Variants in TDRD15 observed in about 807,000 individuals in gnomAD.
TDRD15 encodes the protein tudor domain containing 15.
For synonymous variants in TDRD15, 503 were observed against 314.5 expected (o/e 1.60, Z -6.34); for missense variants, 1,416 against 904.7 (o/e 1.57, Z -7.25).
chr2:21,133,376 G>GT (rs1320294652), intron 2 of TDRD15, among the ~76,000 whole-genome samples: 1 of 152,090 alleles, frequency 6.6e-6, no homozygotes, highest in East Asian at 1.9e-4. Flanking sequence ...GTTTTTGTGG[G>GT]TTTTTTTCTT....
chr2:21,142,316 A>G lies in TDRD15; in HGVS notation c.4849A>G (p.Ile1617Val), dbSNP rs536140851. 8.7e-6 allele frequency: 6 copies of G among 689,900 alleles called. No individual in the cohort carries two copies. Among genetic ancestry groups the G allele is most frequent in the African/African-American group, 7.2e-5 (4 of 55,570 alleles). The allele number at this position is 689,900 out of a possible 1,614,324, so 42.7% of individuals were successfully genotyped here. A position where few individuals can be genotyped will look rare whatever the true frequency, so the allele number is the denominator to read the frequency against. The change falls in exon 4 of 4, where the codon ATA (isoleucine) becomes GTA (valine). Residue 1617 changes from isoleucine to valine, a missense_variant. Ile to Val is a conservative substitution (Grantham distance 29, BLOSUM62 3). Transcript: ENST00000405799. The part of the protein sequence containing the change: ...VFLVDCGIYE[I>V]VPVCNTKLLS... Reference sequence around the variant, plus strand: ...TTTAGTAGATTGTGGTATCTATGAAATAGTACCTGTATGTAATACCAAGCT... The same window carrying G: ...TTTAGTAGATTGTGGTATCTATGAAGTAGTACCTGTATGTAATACCAAGCT...
intron 3 of TDRD15, among the ~76,000 whole-genome samples, chr2:21,135,895 A>G (rs1665798096): frequency 6.6e-6 from 1 of 151,984 alleles, no homozygotes; most frequent in Admixed American, 6.6e-5. Flanking sequence ...TAGTTTGAGT[A>G]ACCTATTTAA....
chr2:21,132,962 A>G (rs1197904687), intron 2 of TDRD15, among the ~76,000 whole-genome samples: 1 of 152,052 alleles, frequency 6.6e-6, no homozygotes, highest in Non-Finnish European at 1.5e-5. Flanking sequence ...TCTACCCACT[A>G]GATATTGGTA....
intron 2 of TDRD15, among the ~76,000 whole-genome samples, chr2:21,128,030 G>A (rs1054556795): frequency 4.6e-5 from 7 of 152,068 alleles, no homozygotes; most frequent in African/African-American, 1.7e-4. Flanking sequence ...AGTAATCTTG[G>A]TATCAAAAGA....
intron 1 of TDRD15, among the ~76,000 whole-genome samples, chr2:21,126,102 G>T (rs967468296): frequency 6.6e-6 from 1 of 152,028 alleles, no homozygotes; most frequent in African/African-American, 2.4e-5. Context: ...TGTACAATTT[G>T]ACATTTGACA....
At chr2:21,127,387 C>T (rs977491509) in intron 1 of TDRD15, among the ~76,000 whole-genome samples, 2 of 152,206 alleles carry the variant, frequency 1.3e-5, no homozygotes, top group Middle Eastern at 3.4e-3. Flanking sequence ...GTCTTTGCCA[C>T]GTCAAGGTAC....
At chr2:21,124,862 A>G (rs1382653065) in intron 1 of TDRD15, among the ~76,000 whole-genome samples, 16 of 126,210 alleles carry the variant, frequency 1.3e-4, no homozygotes, top group South Asian at 2.8e-4. Flanking sequence ...CTAATGCCAG[A>G]GTGTGTGTGT....
intron 1 of TDRD15, among the ~76,000 whole-genome samples, chr2:21,126,413 C>CT (rs1665598363): frequency 6.6e-6 from 1 of 151,300 alleles, no homozygotes; most frequent in African/African-American, 2.4e-5. Flanking sequence ...GTTGCCCAGG[C>CT]TGTAGTGCAA....
In TDRD15 at chr2:21,142,294, A is replaced by T; in HGVS notation, c.4827A>T (p.Leu1609Phe). The T allele has an allele frequency of 1.5e-6, 1 of 689,258 alleles. No individual in the cohort carries two copies. Among genetic ancestry groups the T allele is most frequent in the Admixed American group, 2.4e-5 (1 of 41,614 alleles). The allele number at this position is 689,258 out of a possible 1,614,324, so 42.7% of individuals were successfully genotyped here. ...TTGATGATAAAGTACTTGTTTTTTTAGTAGATTGTGGTATCTATGAAATAG... is the reference window on the plus strand; with the variant it reads ...TTGATGATAAAGTACTTGTTTTTTTTGTAGATTGTGGTATCTATGAAATAG... ...KYVDDKVLVF[L>F]VDCGIYEIVP... Residue 1609 changes from leucine (L) to phenylalanine (F), a missense_variant, in exon 4 of 4, where the codon TTA (leucine) becomes TTT (phenylalanine). Physicochemically the swap from Leu to Phe is conservative, Grantham distance 22. Transcript: ENST00000405799.
chr2:21,142,322 C>G lies in TDRD15; in HGVS notation c.4855C>G (p.Pro1619Ala), dbSNP rs1447054792. 1 of 688,464 alleles carries G rather than the reference C, an allele frequency of 1.5e-6. No homozygotes were observed. Among genetic ancestry groups the G allele is most frequent in the Non-Finnish European group, 2.7e-6 (1 of 375,960 alleles). 42.6% of individuals were successfully genotyped at this position (688,464 alleles called of 1,614,324 possible). The change falls in exon 4 of 4, where the codon CCT becomes GCT. Residue 1619 changes from proline (P) to alanine (A), a missense_variant. Physicochemically the swap from Pro to Ala is conservative, Grantham distance 27. Coordinates refer to ENST00000405799, the MANE Select transcript of TDRD15 (RefSeq NM_001306137.2). ...AGATTGTGGTATCTATGAAATAGTA[C>G]CTGTATGTAATACCAAGCTGCTTAG... ...LVDCGIYEIV[P>A]VCNTKLLSNE...
At position 21,140,757 on chromosome 2, in the gene TDRD15, G is replaced by T; in HGVS notation, c.3290G>T (p.Trp1097Leu). The change falls in exon 4 of 4, where the codon TGG (tryptophan) becomes TTG (leucine). Residue 1097 changes from tryptophan to leucine, a missense_variant. By Grantham distance (61) the Trp-to-Leu change is moderately conservative. Coordinates refer to ENST00000405799, the MANE Select transcript of TDRD15 (RefSeq NM_001306137.2). Reference protein sequence around the residue: ...DVDIPAEISSWFKDNFLGRSL... With the variant: ...DVDIPAEISSLFKDNFLGRSL... ...GATATTCCAGCAGAAATCAGTAGTT[G>T]GTTTAAAGACAATTTCTTGGGAAGA... The T allele has an allele frequency of 1.4e-6, 1 of 714,440 alleles. No homozygotes were observed. Among genetic ancestry groups the T allele is most frequent in the South Asian group, 1.5e-5 (1 of 67,250 alleles). The allele number at this position is 714,440 out of a possible 1,614,324, so 44.3% of individuals were successfully genotyped here.
At chr2:21,146,405 T>G (rs962916036), downstream of TDRD15, among the ~76,000 whole-genome samples, 4 of 152,092 alleles carry the variant, frequency 2.6e-5, no homozygotes, top group Non-Finnish European at 4.4e-5. Context: ...CATCAGTGTT[T>G]AGATATTCAA....
rs776151110 is a variant in TDRD15 at position 21,138,446 on chromosome 2, G to T, written c.979G>T (p.Gly327Cys). 2.4e-5 allele frequency: 17 copies of T among 715,280 alleles called. No individual in the cohort carries two copies. The highest frequency in any genetic ancestry group is 4.2e-5 in the Non-Finnish European group (16 of 384,022). The allele number at this position is 715,280 out of a possible 1,614,324, so 44.3% of individuals were successfully genotyped here. A position where few individuals can be genotyped will look rare whatever the true frequency, so the allele number is the denominator to read the frequency against. ...NQVKIWFMDY[G>C]SSEAIPSIYV... ...AGTAAAAATTTGGTTTATGGATTAT[G>T]GCAGTAGCGAGGCTATACCCTCAAT... Residue 327 changes from glycine (G) to cysteine (C), a missense_variant, in exon 4 of 4, where the codon GGC (glycine) becomes TGC (cysteine). By Grantham distance (159) the Gly-to-Cys change is radical (BLOSUM62 -3). Transcript: ENST00000405799.
In TDRD15 at chr2:21,139,094, A is replaced by G. The variant is rs1310289017; in HGVS notation, c.1627A>G (p.Ser543Gly). 1.4e-6 allele frequency: 1 copy of G among 715,196 alleles called. No homozygotes were observed. Among genetic ancestry groups the G allele is most frequent in the Admixed American group, 2.0e-5 (1 of 49,804 alleles). The allele number at this position is 715,196 out of a possible 1,614,324, so 44.3% of individuals were successfully genotyped here. A position where few individuals can be genotyped will look rare whatever the true frequency, so the allele number is the denominator to read the frequency against. ...TGGATTATTTTGTTGTGCTAGATAT[A>G]GCAAGGACAGACGTTTTTACAGAGC... ...EPGLFCCARY[S>G]KDRRFYRAVI... is the part of the protein sequence containing the mutation. Residue 543 changes from serine (S) to glycine (G), a missense_variant, in exon 4 of 4, where the codon AGC becomes GGC. Transcript: ENST00000405799.
chr2:21,124,817 GGTGTGTGTGTGT>G (rs70939068), intron 1 of TDRD15, among the ~76,000 whole-genome samples: 10 of 115,890 alleles, frequency 8.6e-5, no homozygotes, highest in Admixed American at 2.7e-4. Context: ...CTAATGCCAG[GGTGTGTGTGTGT>G]GTGTGTGTGT....
At chr2:21,128,347 G>T (rs1665639663) in intron 2 of TDRD15, among the ~76,000 whole-genome samples, 1 of 149,124 alleles carries the variant, frequency 6.7e-6, no homozygotes, top group South Asian at 2.1e-4. Context: ...TTTTGAGATG[G>T]AGTCTCACTC....
In TDRD15 at chr2:21,137,825, C is replaced by T. The variant is rs1224425954; in HGVS notation, c.358C>T (p.Arg120Trp). 3 of 716,162 alleles carry T rather than the reference C, an allele frequency of 4.2e-6. No homozygotes were observed. The highest frequency in any genetic ancestry group is 5.4e-5 in the East Asian group (2 of 37,260). The allele number at this position is 716,162 out of a possible 1,614,324, so 44.4% of individuals were successfully genotyped here. A position where few individuals can be genotyped will look rare whatever the true frequency, so the allele number is the denominator to read the frequency against. Residue 120 changes from arginine to tryptophan, a missense_variant, in exon 4 of 4, where the codon CGG becomes TGG. Transcript: ENST00000405799. The part of the protein sequence containing the change: ...ACGNLFELPP[R>W]VVFGIFANIL... ...TGGCAATTTATTTGAGCTACCGCCACGGGTAGTATTTGGTATTTTTGCGAA... is the reference window on the plus strand; with the variant it reads ...TGGCAATTTATTTGAGCTACCGCCATGGGTAGTATTTGGTATTTTTGCGAA...
rs941620975 is a variant in TDRD15 at position 21,138,307 on chromosome 2, C to T, written c.840C>T (p.Thr280=). The part of the protein sequence containing the change: ...LTAHMTLHYD[T]VCQETSPTCD... Reference sequence around the variant, plus strand: ...CACATATGACTTTGCATTATGATACCGTCTGTCAAGAAACTAGTCCCACGT... The same window carrying T: ...CACATATGACTTTGCATTATGATACTGTCTGTCAAGAAACTAGTCCCACGT... Residue 280 remains threonine (T), a synonymous_variant, in exon 4 of 4, where the codon ACC becomes ACT. Coordinates refer to ENST00000405799, the MANE Select transcript of TDRD15 (RefSeq NM_001306137.2). 42 of 716,264 alleles carry T rather than the reference C, an allele frequency of 5.9e-5. No individual in the cohort carries two copies. The highest frequency in any genetic ancestry group is 1.6e-4 in the East Asian group (6 of 37,284). 44.4% of individuals were successfully genotyped at this position (716,264 alleles called of 1,614,324 possible).
In TDRD15 at chr2:21,143,911, TA is replaced by T. The variant is rs1334293663; in HGVS notation, c.*641del. Among the ~76,000 whole-genome samples the T allele has an allele frequency of 6.6e-6, 1 of 151,756 alleles. No homozygotes were observed. Among genetic ancestry groups the T allele is most frequent in the Non-Finnish European group, 1.5e-5 (1 of 67,732 alleles). ...GTTTTTAGAATGTAGTGAAAGATTT[TA>T]ACCACACATGCATGCACACACGCAT... On this transcript the variant is annotated 3_prime_UTR_variant, in exon 4 of 4. Coordinates refer to ENST00000405799, the MANE Select transcript of TDRD15 (RefSeq NM_001306137.2).
Sources: allele counts gnomAD v4.1 joint callset (sites outside exome capture counted in the v4.1 genomes callset), GRCh38; gene constraint gnomAD v4.1.1; transcripts MANE v1.5; gene names NCBI Gene and HGNC (gene_info 2026-07-23, HGNC 2026-07-21).